ODF2L: variants seen among roughly 807,000 people sequenced by gnomAD.
ODF2L encodes protein BCAP.
ODF2L carries 76 observed loss-of-function variants against 86.3 expected under a neutral mutation model. That is an observed-to-expected ratio of 0.88 (90% confidence interval 0.73 to 1.07). The LOEUF (loss-of-function observed/expected upper bound fraction) is 1.07, where lower values mean the gene tolerates loss of function less well. Ranked by LOEUF, ODF2L falls within the 50% of genes least tolerant of loss-of-function variation. The pLI is 0.00. For synonymous variants in ODF2L, 241 were observed against 231.3 expected (o/e 1.04, Z -0.38); for missense variants, 748 against 717.4 (o/e 1.04, Z -0.49).
intron 1 of ODF2L, 39 bp downstream of exon 1, chr1:86,395,994 T>C (rs1661715795): frequency 6.6e-6 from 1 of 151,930 alleles, no homozygotes; most frequent in Non-Finnish European, 1.5e-5. Context: ...GCAGCTAGGC[T>C]CCCCACAAAG....
At chr1:86,360,493 T>C (rs755019940) in exon 12 of ODF2L, 1 of 1,603,300 alleles carries the variant, frequency 6.2e-7, no homozygotes, top group South Asian at 1.1e-5. Flanking sequence ...TGAGAGTTCA[T>C]TTTCAACAGA....
At position 86,365,756 on chromosome 1, in the gene ODF2L, A is replaced by G. The variant is rs184083429; in HGVS notation, c.1143+2880T>C. Among the ~76,000 whole-genome samples, 4 of 152,314 alleles carry G rather than the reference A, an allele frequency of 2.6e-5. No individual in the cohort carries two copies. The East Asian group carries it at 5.8e-4, about 22-fold the overall frequency. ...TAATGAATCAGGAGTGGATTTAGCT[A>G]ACGAGGAAGTTCATCTATCTGTAGA... On this transcript the variant is annotated intron_variant, in intron 11 of 17. Transcript: ENST00000317336.
At chr1:86,388,829 A>C (rs1054148838) in intron 1 of ODF2L, among the ~76,000 whole-genome samples, 1 of 152,152 alleles carries the variant, frequency 6.6e-6, no homozygotes, top group East Asian at 1.9e-4. Flanking sequence ...CTTATCTTAA[A>C]GGGTAAACAA....
chr1:86,381,305 T>C (rs956126795), intron 7 of ODF2L, among the ~76,000 whole-genome samples: 1 of 152,070 alleles, frequency 6.6e-6, no homozygotes, highest in Admixed American at 6.6e-5. Context: ...ATCAGATGTA[T>C]TCAATCACAT....
At chr1:86,387,389 C>T (rs1266969252) in intron 1 of ODF2L, among the ~76,000 whole-genome samples, 1 of 152,076 alleles carries the variant, frequency 6.6e-6, no homozygotes, top group Non-Finnish European at 1.5e-5. Context: ...TTGAACCCAG[C>T]AGGACTATAA....
intron 9 of ODF2L, among the ~76,000 whole-genome samples, chr1:86,372,065 T>C (rs1465073718): frequency 1.3e-5 from 2 of 151,780 alleles, no homozygotes; most frequent in Non-Finnish European, 2.9e-5. Context: ...GGTGCATGCC[T>C]GTAGTCCCAG....
chr1:86,352,924 C>A (rs1376549387), exon 17 of ODF2L: 1 of 1,545,344 alleles, frequency 6.5e-7, no homozygotes, highest in African/African-American at 1.4e-5. Context: ...GTTTCCAGAT[C>A]TAATATTTTA....
downstream of ODF2L, chr1:86,348,288 T>A (rs181291473): frequency 6.6e-6 from 1 of 152,030 alleles, no homozygotes; most frequent in East Asian, 1.9e-4. Flanking sequence ...ATTGAGACAT[T>A]TAGTAGCTTT....
intron 1 of ODF2L, among the ~76,000 whole-genome samples, chr1:86,390,814 T>C (rs1570443028): frequency 6.6e-6 from 1 of 152,300 alleles, no homozygotes; most frequent in East Asian, 1.9e-4. Context: ...TTCAACATAG[T>C]ACTGGAAGTC....
intron 14 of ODF2L, 90 bp from the exon 14 acceptor site, chr1:86,354,949 G>T: frequency 1.4e-6 from 1 of 701,932 alleles, no homozygotes; most frequent in East Asian, 2.6e-5. Flanking sequence ...ACAACCACAA[G>T]CAACGAGAAG....
rs544887352 is a variant in ODF2L, at chr1:86,356,532, C to T, written c.1430G>A (p.Arg477Gln). The change falls in exon 14 of 18, where the codon CGG (arginine) becomes CAG (glutamine). Residue 477 changes from arginine (R) to glutamine (Q), a missense_variant. Transcript: ENST00000317336. ...ACTCTCCTGACACTCGTGAAGCCTC[C>T]GTTCCGCCGCCGTCAAGGAATCGCA... The T allele has an allele frequency of 2.4e-5, 39 of 1,614,094 alleles. No individual in the cohort carries two copies. The highest frequency in any genetic ancestry group is 4.5e-5 in the East Asian group (2 of 44,884).
exon 1 of ODF2L, chr1:86,396,066 G>A (rs1218565271): frequency 6.6e-6 from 1 of 152,344 alleles, no homozygotes; most frequent in Non-Finnish European, 1.5e-5. Context: ...TCGTCGTGAC[G>A]ACAGCCCGCC....
chr1:86,389,109 A>AT (rs1417207910), intron 1 of ODF2L, among the ~76,000 whole-genome samples: 7 of 152,324 alleles, frequency 4.6e-5, no homozygotes, highest in Admixed American at 2.0e-4. Context: ...TTTATTTAGC[A>AT]TAAAAAGTCC....
At chr1:86,346,988 C>A (rs1473929918), downstream of ODF2L, 2 of 152,148 alleles carry the variant, frequency 1.3e-5, no homozygotes, top group African/African-American at 4.8e-5. Context: ...GTCTTAGTTT[C>A]CTGAAAATTA....
intron 1 of ODF2L, among the ~76,000 whole-genome samples, chr1:86,393,092 T>G (rs1013064443): frequency 2.0e-5 from 3 of 152,196 alleles, no homozygotes; most frequent in African/African-American, 4.8e-5. Context: ...AAAATCATGG[T>G]CCATGACCTT....
chr1:86,384,856 C>T (rs1457931229), intron 3 of ODF2L, 55 bp from the exon 4 acceptor site: 5 of 1,315,624 alleles, frequency 3.8e-6, no homozygotes, highest in Admixed American at 6.0e-5. Flanking sequence ...TAAATAAAAC[C>T]CTCTAAAATA....
intron 9 of ODF2L, among the ~76,000 whole-genome samples, chr1:86,371,600 A>T (rs1270988715): frequency 6.6e-6 from 1 of 152,198 alleles, no homozygotes; most frequent in East Asian, 1.9e-4. Flanking sequence ...AGACACAGAA[A>T]ACACTTAAAA....
At chr1:86,363,375 C>T (rs549361715) in intron 11 of ODF2L, among the ~76,000 whole-genome samples, 1 of 152,034 alleles carries the variant, frequency 6.6e-6, no homozygotes, top group Non-Finnish European at 1.5e-5. Flanking sequence ...GCCTCGAGCA[C>T]ATAGATGGTA....
At chr1:86,383,959 CATAT>C (rs530411634) in intron 4 of ODF2L, among the ~76,000 whole-genome samples, 1 of 151,694 alleles carries the variant, frequency 6.6e-6, no homozygotes, top group Non-Finnish European at 1.5e-5. Flanking sequence ...GCACACGTAA[CATAT>C]ATAAAGAAAC....
Sources: allele counts gnomAD v4.1 joint callset (sites outside exome capture counted in the v4.1 genomes callset), GRCh38; gene constraint gnomAD v4.1.1; transcripts MANE v1.5; gene names NCBI Gene and HGNC (gene_info 2026-07-23, HGNC 2026-07-21).